KIF4A: variants seen among roughly 807,000 people sequenced by gnomAD.
The protein encoded by KIF4A is kinesin family member 4A.
Under a neutral mutation model 105.9 loss-of-function variants are expected in KIF4A, and 7 were observed. The ratio of observed to expected loss-of-function variants is 0.07; its 90% CI spans 0.04 to 0.12. The LOEUF (loss-of-function observed/expected upper bound fraction) is 0.12, where lower values mean the gene tolerates loss of function less well. KIF4A is among the 10% of genes least tolerant of loss of function. KIF4A has a pLI of 1.00. For synonymous variants in KIF4A, 281 were observed against 331.3 expected, an observed-to-expected ratio of 0.85 and a Z score of 1.65; for missense variants, 558 against 929.2, an observed-to-expected ratio of 0.60 and a Z score of 5.19.
At chrX:70,415,861 C>CTTTTTTTTTTTTT (rs1162374099) in intron 28 of KIF4A, among the ~76,000 whole-genome samples, 1 of 57,434 alleles carries the variant, frequency 1.7e-5, no homozygotes, top group Admixed American at 2.3e-4. Flanking sequence ...TGCATTATTT[C>CTTTTTTTTTTTTT]TTTTTTTTTT....
At position 70,297,023 on chromosome X, in the gene KIF4A, T is replaced by C. The variant is rs755380634; in HGVS notation, c.261T>C (p.Tyr87=). 1 of 1,210,326 alleles carries C rather than the reference T, an allele frequency of 8.3e-7. No homozygotes were observed. Among genetic ancestry groups the C allele is most frequent in the African/African-American group, 1.7e-5 (1 of 57,261 alleles). The change falls in exon 4 of 31, where the codon TAT becomes TAC. Residue 87 remains tyrosine, a synonymous_variant. Coordinates refer to ENST00000374403, the MANE Select transcript of KIF4A (RefSeq NM_012310.5). ...GATATAATGCAACGGTCCTGGCCTA[T>C]GGGCAGACTGGCTCTGGAAAAACCT... ...FKGYNATVLA[Y]GQTGSGKTYS...
rs186219126 is a variant in KIF4A at position 70,406,730 on chromosome X, G to C, written c.3073-163G>C. Among the ~76,000 whole-genome samples, 715 of 112,129 alleles carry C rather than the reference G, an allele frequency of 6.4e-3. 6 individuals are homozygous for C. Among genetic ancestry groups the C allele is most frequent in the African/African-American group, 0.022 (672 of 30,888 alleles). ...AGACTCTGCAAAGCCATAGGCTAAA[G>C]CAGAATTTCTTCTGATTGGTAAAGC... On this transcript the variant is annotated intron_variant, in intron 27 of 30. Transcript: ENST00000374403.
intron 15 of KIF4A, among the ~76,000 whole-genome samples, chrX:70,357,178 G>C (rs1253778167): frequency 1.8e-5 from 2 of 111,197 alleles, no homozygotes; most frequent in African/African-American, 6.5e-5. Context: ...GCCGAGCATG[G>C]TGGCGGGCGC....
At chrX:70,407,745 A>G (rs1182595822) in intron 28 of KIF4A, among the ~76,000 whole-genome samples, 1 of 111,635 alleles carries the variant, frequency 9.0e-6, no homozygotes, top group Non-Finnish European at 1.9e-5. Context: ...CCATTCTCAT[A>G]TATATTACCA....
intron 7 of KIF4A, among the ~76,000 whole-genome samples, chrX:70,321,710 T>A (rs907828083): frequency 9.0e-6 from 1 of 111,374 alleles, no homozygotes; most frequent in African/African-American, 3.3e-5. Context: ...ATAAACAAAA[T>A]ATTTCATCCT....
intron 20 of KIF4A, among the ~76,000 whole-genome samples, chrX:70,391,006 CT>C (rs1304196268): frequency 8.9e-6 from 1 of 111,873 alleles, no homozygotes; most frequent in Non-Finnish European, 1.9e-5. Flanking sequence ...ATCCATTCAC[CT>C]GTTGAAGGAT....
chrX:70,373,551 T>C (rs28492983), intron 15 of KIF4A, among the ~76,000 whole-genome samples: 2 of 42,669 alleles, frequency 4.7e-5, no homozygotes, highest in African/African-American at 1.2e-4. Context: ...TATATATATA[T>C]ATATACGTAT....
At chrX:70,401,079 ATTTT>A (rs1271801890) in intron 22 of KIF4A, among the ~76,000 whole-genome samples, 1 of 74,068 alleles carries the variant, frequency 1.4e-5, no homozygotes. Flanking sequence ...TAGGTTTATG[ATTTT>A]TTTTTTTTTT....
chrX:70,393,799 C>CTCTTTCTTTCTT (rs1226256913), intron 20 of KIF4A, among the ~76,000 whole-genome samples: 9 of 58,560 alleles, frequency 1.5e-4, no homozygotes, highest in African/African-American at 6.7e-4. Context: ...CTTTTCTTTT[C>CTCTTTCTTTCTT]TCTTTCTTTC....
At chrX:70,349,880 C>A (rs1322309344) in intron 13 of KIF4A, among the ~76,000 whole-genome samples, 1 of 95,340 alleles carries the variant, frequency 1.0e-5, no homozygotes, top group African/African-American at 4.1e-5. Context: ...CTCCTCACTT[C>A]CTAGACGGGG....
intron 10 of KIF4A, among the ~76,000 whole-genome samples, chrX:70,340,250 T>C (rs1476675060): frequency 8.9e-6 from 1 of 112,052 alleles, no homozygotes; most frequent in Non-Finnish European, 1.9e-5. Context: ...ATTTAATGTA[T>C]GTAAAGTATT....
intron 9 of KIF4A, among the ~76,000 whole-genome samples, chrX:70,331,909 A>G (rs2085932517): frequency 8.9e-6 from 1 of 112,245 alleles, no homozygotes. Flanking sequence ...TAAGCGAGAG[A>G]TAATGATGGC....
At chrX:70,405,979 C>A (rs888949255) in intron 26 of KIF4A, 74 bp downstream of exon 26, 4 of 822,718 alleles carry the variant, frequency 4.9e-6, no homozygotes, top group Middle Eastern at 2.8e-4. Context: ...TTGGGACCAA[C>A]CCCCATTGTG....
chrX:70,309,476 T>C (rs1304899567), intron 7 of KIF4A, among the ~76,000 whole-genome samples: 1 of 112,265 alleles, frequency 8.9e-6, no homozygotes, highest in Non-Finnish European at 1.9e-5. Context: ...ACTTTATTGA[T>C]CTTTTTCATT....
chrX:70,347,123 T>C (rs2085996043), intron 13 of KIF4A, among the ~76,000 whole-genome samples: 1 of 111,997 alleles, frequency 8.9e-6, no homozygotes, highest in Admixed American at 9.5e-5. Context: ...TTTTTGTTTA[T>C]ATCCCCTCCT....
At chrX:70,360,017 A>G (rs1171217903) in intron 15 of KIF4A, among the ~76,000 whole-genome samples, 1 of 111,224 alleles carries the variant, frequency 9.0e-6, no homozygotes, top group African/African-American at 3.3e-5. Flanking sequence ...TGTCTTAACA[A>G]ATACGAGGCT....
At position 70,290,563 on chromosome X, in the gene KIF4A, G is replaced by A. The variant is rs1299654985; in HGVS notation, c.105G>A (p.Val35=). 1 of 1,209,535 alleles carries A rather than the reference G, an allele frequency of 8.3e-7. No homozygotes were observed. Among genetic ancestry groups the A allele is most frequent in the Non-Finnish European group, 1.1e-6 (1 of 895,051 alleles). Reference sequence around the variant, plus strand: ...GCTGCCAGATGTGCCTTTCCTTCGTGCCCGGAGAGCCTCAGGTGCGTAGCA... The same window carrying A: ...GCTGCCAGATGTGCCTTTCCTTCGTACCCGGAGAGCCTCAGGTGCGTAGCA... ...SEGCQMCLSF[V]PGEPQVVVGT... Residue 35 remains valine (V), a synonymous_variant, in exon 2 of 31, where the codon GTG becomes GTA. Coordinates refer to ENST00000374403, the MANE Select transcript of KIF4A (RefSeq NM_012310.5).
At chrX:70,334,388 C>T (rs2085942598) in intron 10 of KIF4A, among the ~76,000 whole-genome samples, 1 of 111,922 alleles carries the variant, frequency 8.9e-6, no homozygotes, top group Non-Finnish European at 1.9e-5. Flanking sequence ...TGAGTTTATA[C>T]TGACACCTCT....
chrX:70,340,188 T>C (rs1217094672), intron 10 of KIF4A, among the ~76,000 whole-genome samples: 2 of 111,839 alleles, frequency 1.8e-5, no homozygotes, highest in African/African-American at 6.5e-5. Context: ...AGTTATAAAA[T>C]GAGGATAACA....
Sources: gnomAD v4.1 joint callset for allele counts (sites outside exome capture counted in the v4.1 genomes callset) on GRCh38, gnomAD v4.1.1 for gene constraint, MANE v1.5 for transcripts, NCBI Gene and HGNC (gene_info 2026-07-23, HGNC 2026-07-21) for gene names.